The following DLGAP4 variants were observed in gnomAD, a reference collection of about 807,000 sequenced individuals.
The protein encoded by DLGAP4 is DLG associated protein 4, also known as disks large-associated protein 4.
In DLGAP4, 18 loss-of-function variants were observed where a neutral mutation model predicts 86.9. The observed-to-expected ratio is 0.21, with a 90% confidence interval of 0.14 to 0.31. The LOEUF (loss-of-function observed/expected upper bound fraction) is 0.31. Ranked by LOEUF, DLGAP4 falls within the 10% of genes least tolerant of loss-of-function variation. The probability of loss-of-function intolerance (pLI) is 1.00; values close to 1 mark genes in which losing one functional copy is unlikely to be tolerated. For missense variants in DLGAP4, 1,085 were observed against 1,362.6 expected (o/e 0.80, Z 3.21); for synonymous variants, 548 against 574.3 (o/e 0.95, Z 0.65).
intron 7 of DLGAP4, among the ~76,000 whole-genome samples, chr20:36,469,832 C>T (rs2034582611): frequency 6.6e-6 from 1 of 151,986 alleles, no homozygotes; most frequent in Non-Finnish European, 1.5e-5. Context: ...GGCATCTCAG[C>T]AGAAGGCCAT....
intron 7 of DLGAP4, among the ~76,000 whole-genome samples, chr20:36,486,517 G>A (rs1440996944): frequency 1.3e-5 from 2 of 152,044 alleles, no homozygotes; most frequent in African/African-American, 4.8e-5. Flanking sequence ...AATAGCAAAA[G>A]GCTGGTGTGG....
intron 2 of DLGAP4, among the ~76,000 whole-genome samples, chr20:36,400,494 T>A (rs2032124838): frequency 6.6e-6 from 1 of 152,238 alleles, no homozygotes; most frequent in Admixed American, 6.5e-5. Context: ...TGTATGTTTT[T>A]AAATTACGTG....
At chr20:36,400,971 G>T (rs545042673) in intron 2 of DLGAP4, among the ~76,000 whole-genome samples, 1 of 152,080 alleles carries the variant, frequency 6.6e-6, no homozygotes, top group Non-Finnish European at 1.5e-5. Flanking sequence ...CCCCTTTGCC[G>T]GAAAAACTGG....
rs761648708 is a variant in DLGAP4, at chr20:36,499,630, G to A, written c.2053G>A (p.Ala685Thr). Reference protein sequence around the residue: ...QPVPKEEPSPATKFQSIGVQV... With the variant: ...QPVPKEEPSPTTKFQSIGVQV... ...AGTGCCAAAAGAGGAGCCCAGTCCC[G>A]CTACCAAATTCCAGTCCATCGGGGT... is the stretch of plus-strand genomic sequence containing the variant. The change falls in exon 9 of 13, where the codon GCT becomes ACT. Residue 685 changes from alanine (A) to threonine (T), a missense_variant. Ala to Thr is a moderately conservative substitution (Grantham distance 58). This residue lies in a region of DLGAP4 where 1,082 missense variants were observed against 1,344.1 expected (regional missense o/e 0.81). Coordinates refer to ENST00000339266, the MANE Select transcript of DLGAP4 (RefSeq NM_001365621.2). 1.2e-5 allele frequency: 19 copies of A among 1,613,820 alleles called. No individual in the cohort carries two copies. The highest frequency in any genetic ancestry group is 4.0e-5 in the African/African-American group (3 of 74,896).
intron 10 of DLGAP4, among the ~76,000 whole-genome samples, chr20:36,518,738 G>A (rs1319807996): frequency 1.3e-5 from 2 of 152,110 alleles, no homozygotes; most frequent in Non-Finnish European, 2.9e-5. Flanking sequence ...AAAGGCTGAG[G>A]CAGGAGGATC....
chr20:36,342,464 G>A (rs1480236281), intron 1 of DLGAP4, among the ~76,000 whole-genome samples: 1 of 152,128 alleles, frequency 6.6e-6, no homozygotes, highest in African/African-American at 2.4e-5. Flanking sequence ...AGCCTTGAAG[G>A]CCAGGCCCAG....
At chr20:36,420,667 G>C (rs775057641) in intron 2 of DLGAP4, among the ~76,000 whole-genome samples, 6 of 151,984 alleles carry the variant, frequency 3.9e-5, no homozygotes, top group Non-Finnish European at 7.4e-5. Context: ...GGGAAACCTT[G>C]TCTCTATAAA....
intron 2 of DLGAP4, among the ~76,000 whole-genome samples, chr20:36,386,229 G>A (rs1191701016): frequency 6.6e-6 from 1 of 152,174 alleles, no homozygotes; most frequent in Non-Finnish European, 1.5e-5. Context: ...AGAGCTTAGT[G>A]TGGGGCCAGG....
chr20:36,339,405 T>A (rs1434195227), intron 1 of DLGAP4, among the ~76,000 whole-genome samples: 1 of 151,932 alleles, frequency 6.6e-6, no homozygotes, highest in Admixed American at 6.6e-5. Context: ...TTTGTTTGTT[T>A]AAGGCAAGGT....
At chr20:36,449,386 G>A (rs1418901952) in intron 7 of DLGAP4, among the ~76,000 whole-genome samples, 1 of 152,152 alleles carries the variant, frequency 6.6e-6, no homozygotes, top group Non-Finnish European at 1.5e-5. Flanking sequence ...TTGCCTTCTG[G>A]GACTCTGAAA....
chr20:36,372,912 G>A (rs76321472), intron 2 of DLGAP4, among the ~76,000 whole-genome samples: 1 of 152,310 alleles, frequency 6.6e-6, no homozygotes, highest in East Asian at 1.9e-4. Flanking sequence ...GATGTATGTT[G>A]TGTGACATCC....
At chr20:36,435,073 A>G (rs1427179039) in intron 3 of DLGAP4, among the ~76,000 whole-genome samples, 1 of 149,606 alleles carries the variant, frequency 6.7e-6, no homozygotes, top group African/African-American at 2.5e-5. Flanking sequence ...TATGCTGCAT[A>G]CTTGTGGGGG....
chr20:36,458,300 C>T lies in DLGAP4; in HGVS notation c.1648+11363C>T, dbSNP rs558535407. On this transcript the variant is annotated intron_variant, in intron 7 of 12. Coordinates refer to ENST00000339266, the MANE Select transcript of DLGAP4 (RefSeq NM_001365621.2). The stretch of plus-strand genomic sequence containing the variant: ...CCGAGGCAGGCAGATCACCTGAGGT[C>T]GGGAGTTTGAGACCAGCCTGGCCAA... Among the ~76,000 whole-genome samples the T allele has an allele frequency of 3.5e-5, 5 of 141,632 alleles. No homozygotes were observed. The East Asian group carries it at 1.2e-3, about 33-fold the overall frequency. The allele number at this position is 141,632 out of a possible 152,430, so 92.9% of individuals were successfully genotyped here.
chr20:36,335,183 G>T (rs1270109210), intron 1 of DLGAP4, among the ~76,000 whole-genome samples: 1 of 152,126 alleles, frequency 6.6e-6, no homozygotes, highest in African/African-American at 2.4e-5. Context: ...GGGGAGACTA[G>T]GGGACCCTGC....
chr20:36,428,615 C>T (rs566070430), intron 2 of DLGAP4, among the ~76,000 whole-genome samples: 2 of 152,346 alleles, frequency 1.3e-5, no homozygotes, highest in South Asian at 4.1e-4. Context: ...CCACACTGTC[C>T]CCTTTCTTTG....
rs760060806 is a variant in DLGAP4 at position 36,432,611 on chromosome 20, C to T, written c.894C>T (p.Thr298=). 13 of 1,612,182 alleles carry T rather than the reference C, an allele frequency of 8.1e-6. No homozygotes were observed. Among genetic ancestry groups the T allele is most frequent in the Non-Finnish European group, 9.3e-6 (11 of 1,179,392 alleles). ...AACGGGGCTCCTGGTCCACTCTGAC[C>T]CTCAGCCACGCCCACGAGGTCTGCC... ...YVKRGSWSTL[T]LSHAHEVCQK... is the part of the protein sequence containing the mutation. The change falls in exon 3 of 13, where the codon ACC becomes ACT. Residue 298 remains threonine, a synonymous_variant. Transcript: ENST00000339266. This position sits in a 1 kb window ranked among gnomAD's most constrained non-coding sequence, Gnocchi z 6.5.
In DLGAP4 at chr20:36,432,371, C is replaced by A; in HGVS notation, c.654C>A (p.Phe218Leu). The A allele has an allele frequency of 1.2e-6, 2 of 1,613,618 alleles. No homozygotes were observed. Among genetic ancestry groups the A allele is most frequent in the Non-Finnish European group, 1.7e-6 (2 of 1,180,032 alleles). Residue 218 changes from phenylalanine to leucine, a missense_variant, in exon 3 of 13, where the codon TTC becomes TTA. This residue lies in a region of DLGAP4 where 1,082 missense variants were observed against 1,344.1 expected (regional missense o/e 0.81). Coordinates refer to ENST00000339266, the MANE Select transcript of DLGAP4 (RefSeq NM_001365621.2). This position sits in a 1 kb window ranked among gnomAD's most constrained non-coding sequence, Gnocchi z 6.5. ...ACTTGGACGGCGAGGCCGGCGCCTT[C>A]CGCAGCAGTGGCCCAGCCTCTGGGC... is the stretch of plus-strand genomic sequence containing the variant. ...DDNLDGEAGAFRSSGPASGLM... is the reference protein window; with the variant it reads ...DDNLDGEAGALRSSGPASGLM...
intron 2 of DLGAP4, among the ~76,000 whole-genome samples, chr20:36,416,199 G>A (rs1444244354): frequency 6.6e-6 from 1 of 152,116 alleles, no homozygotes; most frequent in Non-Finnish European, 1.5e-5. Context: ...TTGGCTCACT[G>A]CAACCTCCAC....
chr20:36,442,689 C>T (rs774496878), intron 5 of DLGAP4, 38 bp from the exon 6 acceptor site: 1 of 1,613,124 alleles, frequency 6.2e-7, no homozygotes, highest in Non-Finnish European at 8.5e-7. Context: ...AGCCCCAGCC[C>T]TGGTCCTTCC....
Sources: gnomAD v4.1 joint callset for allele counts (sites outside exome capture counted in the v4.1 genomes callset) on GRCh38, gnomAD v4.1.1 for gene constraint, gnomAD v4.1.1 regional missense constraint, Gnocchi (gnomAD v3.1) non-coding constraint, MANE v1.5 for transcripts, NCBI Gene and HGNC (gene_info 2026-07-23, HGNC 2026-07-21) for gene names.